The following LRP1B variants were observed in gnomAD, a reference collection of about 807,000 sequenced individuals.
LRP1B encodes LDL receptor related protein 1B.
LRP1B carries 217 observed loss-of-function variants against 556.6 expected under a neutral mutation model. The ratio of observed to expected loss-of-function variants is 0.39; its 90% CI spans 0.35 to 0.44. LRP1B has a LOEUF of 0.44. Among genes scored for constraint, LRP1B ranks in the 20% least tolerant of loss-of-function variants. The pLI, the probability that LRP1B is intolerant of heterozygous loss-of-function variation, is 1.00. For synonymous variants in LRP1B, 2,047 were observed against 1,865.8 expected (o/e 1.10, Z -2.50); for missense variants, 5,053 against 5,620.8 (o/e 0.90, Z 3.23).
At chr2:140,422,819 C>G (rs1685501629) in intron 66 of LRP1B, among the ~76,000 whole-genome samples, 1 of 152,144 alleles carries the variant, frequency 6.6e-6, no homozygotes, top group African/African-American at 2.4e-5. Context: ...TTGACCATTT[C>G]TACACAAACA....
intron 84 of LRP1B, 96 bp downstream of exon 84, chr2:140,297,712 G>A: frequency 7.4e-7 from 1 of 1,349,498 alleles, no homozygotes; most frequent in Non-Finnish European, 1.0e-6. Flanking sequence ...AAAAATAGAG[G>A]ATGGCTAAAA....
intron 2 of LRP1B, among the ~76,000 whole-genome samples, chr2:141,494,092 G>A (rs41396347): frequency 0.061 from 9,243 of 152,194 alleles, 350 homozygotes; most frequent in South Asian, 0.18. Context: ...CAGTTGCTAC[G>A]TCTTCCTGGT....
chr2:141,914,384 C>T (rs1699979186), intron 1 of LRP1B, among the ~76,000 whole-genome samples: 1 of 152,040 alleles, frequency 6.6e-6, no homozygotes, highest in South Asian at 2.1e-4. Context: ...AGTAGGTTGA[C>T]TAATAATATA....
intron 89 of LRP1B, among the ~76,000 whole-genome samples, chr2:140,236,580 T>C (rs1225431268): frequency 1.3e-5 from 2 of 150,938 alleles, no homozygotes; most frequent in Non-Finnish European, 3.0e-5. Context: ...CAGCTTATAG[T>C]AATAAAAACT....
Position 141,005,392 on chromosome 2 carries a change from G to A in LRP1B, c.2446C>T (p.Arg816Trp), listed in dbSNP as rs771071015. Residue 816 changes from arginine to tryptophan, a missense_variant, in exon 15 of 91, where the codon CGG becomes TGG. Around this residue, in one of 5 missense-constraint regions of LRP1B, gnomAD observed 3,619 missense variants for 3,931.9 expected, o/e 0.92. Coordinates refer to ENST00000389484, the MANE Select transcript of LRP1B (RefSeq NM_018557.3). ...STLCLAIPGG[R>W]VCACADNQLL... ...TGATTATCGGCACAAGCACACACCC[G>A]GCCTCCTGGGATAGCCAAGCAAAGT... 3.8e-5 allele frequency: 61 copies of A among 1,610,892 alleles called. No individual in the cohort carries two copies. Among genetic ancestry groups the A allele is most frequent in the East Asian group, 6.7e-5 (3 of 44,684 alleles).
At chr2:140,946,938 T>C (rs1695565933) in intron 20 of LRP1B, among the ~76,000 whole-genome samples, 1 of 152,144 alleles carries the variant, frequency 6.6e-6, no homozygotes, top group Non-Finnish European at 1.5e-5. Flanking sequence ...AACCATATAT[T>C]AGATGTTCTT....
chr2:141,624,032 T>TAAAGAAAAAAAAA (rs761446527), intron 2 of LRP1B, among the ~76,000 whole-genome samples: 1 of 14,450 alleles, frequency 6.9e-5, no homozygotes, highest in Non-Finnish European at 1.7e-4. Flanking sequence ...AAAAAAAAAT[T>TAAAGAAAAAAAAA]AAACAAAAAA....
At chr2:140,827,080 C>T (rs1338343238) in intron 31 of LRP1B, among the ~76,000 whole-genome samples, 1 of 151,950 alleles carries the variant, frequency 6.6e-6, no homozygotes, top group African/African-American at 2.4e-5. Flanking sequence ...CCATCTAATG[C>T]CCCCCAAAAA....
chr2:140,587,174 A>C (rs1370071852), intron 43 of LRP1B, among the ~76,000 whole-genome samples: 1 of 152,148 alleles, frequency 6.6e-6, no homozygotes, highest in African/African-American at 2.4e-5. Context: ...AACAAAGAAA[A>C]AGCAGAAAGA....
At position 141,247,284 on chromosome 2, in the gene LRP1B, G is replaced by A. The variant is rs1454133652; in HGVS notation, c.534C>T (p.Cys178=). 1.4e-5 allele frequency: 23 copies of A among 1,613,634 alleles called. 1 individual carries two copies. The highest frequency in any genetic ancestry group is 4.4e-5 in the South Asian group (4 of 91,072). ...TCRNTHGSYT[C]SCVEGYLMQP... ...GCATTAGGTAGCCTTCCACACAACT[G>A]CAAGTGTAGGATCCATGTGTGTTTC... Residue 178 remains cysteine, a synonymous_variant, in exon 5 of 91, where the codon TGC becomes TGT. Coordinates refer to ENST00000389484, the MANE Select transcript of LRP1B (RefSeq NM_018557.3).
rs1683363014 is a variant in LRP1B, at chr2:141,229,127, G to A, written c.850+56C>T. On this transcript the variant is annotated intron_variant, in intron 6 of 90. Transcript: ENST00000389484. ...TAGAAATTTGAGAATCCAGCCTACGGGTCTGTAAATGAAATCAGTAAAGGG... is the reference window on the plus strand; with the variant it reads ...TAGAAATTTGAGAATCCAGCCTACGAGTCTGTAAATGAAATCAGTAAAGGG... The A allele has an allele frequency of 2.6e-6, 4 of 1,564,136 alleles. No homozygotes were observed. In the Middle Eastern group the frequency reaches 5.0e-4, roughly 197 times the overall value.
intron 23 of LRP1B, among the ~76,000 whole-genome samples, chr2:140,897,125 A>C (rs961168458): frequency 6.6e-6 from 1 of 152,220 alleles, no homozygotes; most frequent in Non-Finnish European, 1.5e-5. Context: ...GTAACTTTAA[A>C]AGATGAAATA....
intron 20 of LRP1B, among the ~76,000 whole-genome samples, chr2:140,926,390 G>A (rs900203242): frequency 6.6e-6 from 1 of 151,962 alleles, no homozygotes; most frequent in Non-Finnish European, 1.5e-5. Context: ...CACCCAGGCT[G>A]TAGTACAGTG....
chr2:140,756,159 A>G (rs1688735480), intron 35 of LRP1B, among the ~76,000 whole-genome samples: 1 of 151,802 alleles, frequency 6.6e-6, no homozygotes, highest in Non-Finnish European at 1.5e-5. Flanking sequence ...GAAAACTGAA[A>G]ATCATTTTTA....
At position 141,949,354 on chromosome 2, in the gene LRP1B, G is replaced by T. The variant is rs114200021; in HGVS notation, c.83-138953C>A. ...AAATGTATTGTAAATTCATTGTGTAGGCATGGATTTAAAATTACTCCACTT... is the reference window on the plus strand; with the variant it reads ...AAATGTATTGTAAATTCATTGTGTATGCATGGATTTAAAATTACTCCACTT... On this transcript the variant is annotated intron_variant, in intron 1 of 90. Coordinates refer to ENST00000389484, the MANE Select transcript of LRP1B (RefSeq NM_018557.3). Among the ~76,000 whole-genome samples the T allele has an allele frequency of 7.1e-3, 1,083 of 152,192 alleles. 6 individuals carry two copies. The highest frequency in any genetic ancestry group is 0.011 in the Non-Finnish European group (731 of 68,014).
At chr2:141,091,532 T>C (rs1186300066) in intron 7 of LRP1B, among the ~76,000 whole-genome samples, 2 of 152,162 alleles carry the variant, frequency 1.3e-5, no homozygotes, top group Non-Finnish European at 2.9e-5. Context: ...CATTCCAAAG[T>C]TGTGCACGTG....
chr2:140,928,769 G>A (rs1694960904), intron 20 of LRP1B, among the ~76,000 whole-genome samples: 1 of 152,086 alleles, frequency 6.6e-6, no homozygotes, highest in Admixed American at 6.6e-5. Context: ...GGTGACACTT[G>A]AGTGAGACCA....
chr2:141,862,854 C>T (rs991783121), intron 1 of LRP1B, among the ~76,000 whole-genome samples: 5 of 152,092 alleles, frequency 3.3e-5, no homozygotes, highest in African/African-American at 1.2e-4. Context: ...CACAAATTTC[C>T]CAATAGTCTT....
intron 2 of LRP1B, among the ~76,000 whole-genome samples, chr2:141,600,043 A>C (rs1687670172): frequency 6.6e-6 from 1 of 152,120 alleles, no homozygotes; most frequent in Non-Finnish European, 1.5e-5. Flanking sequence ...TCCCTTTTCT[A>C]TCATCTCTAA....
Sources: gnomAD v4.1 joint callset for allele counts (sites outside exome capture counted in the v4.1 genomes callset) on GRCh38, gnomAD v4.1.1 for gene constraint, gnomAD v4.1.1 regional missense constraint, MANE v1.5 for transcripts, NCBI Gene and HGNC (gene_info 2026-07-23, HGNC 2026-07-21) for gene names.